The following EMILIN2 variants were observed in gnomAD, a reference collection of about 807,000 sequenced individuals.
EMILIN2 encodes the protein EMILIN-2.
A neutral mutation model predicts 87.1 loss-of-function variants in EMILIN2; 71 were observed. The ratio of observed to expected loss-of-function variants is 0.82; its 90% CI spans 0.67 to 0.99. The LOEUF is 0.99. Ranked by LOEUF, EMILIN2 falls within the 50% of genes least tolerant of loss-of-function variation. The pLI, the probability that EMILIN2 is intolerant of heterozygous loss-of-function variation, is 0.00. For missense variants in EMILIN2, 1,407 were observed against 1,371.8 expected, an observed-to-expected ratio of 1.03 and a Z score of -0.40; for synonymous variants, 581 against 563.4, an observed-to-expected ratio of 1.03 and a Z score of -0.44.
rs1409634156 is a variant in EMILIN2 at position 2,884,945 on chromosome 18, C to T, written c.258-19C>T. ...TAACGGCAGCCAGTAAAGAGAGATG[C>T]CATCCCTTCTGTCCACAGGTATCGA... is the stretch of plus-strand genomic sequence containing the variant. On this transcript the variant is annotated intron_variant, in intron 2 of 7. Transcript: ENST00000254528. 1 of 1,559,090 alleles carries T rather than the reference C, an allele frequency of 6.4e-7. No individual in the cohort carries two copies. The highest frequency in any genetic ancestry group is 8.7e-7 in the Non-Finnish European group (1 of 1,149,994).
intron 2 of EMILIN2, among the ~76,000 whole-genome samples, chr18:2,882,762 A>G (rs2076782866): frequency 6.6e-6 from 1 of 152,118 alleles, no homozygotes. Context: ...GGGTGCCTGT[A>G]ATCCCAGCTA....
chr18:2,885,049 G>A lies in EMILIN2; in HGVS notation c.343G>A (p.Gly115Arg). 2 of 1,613,802 alleles carry A rather than the reference G, an allele frequency of 1.2e-6. No homozygotes were observed. The highest frequency in any genetic ancestry group is 1.7e-6 in the Non-Finnish European group (2 of 1,179,870). Reference protein sequence around the residue: ...LEWRCCPGFRGGDCQEGPKDP... With the variant: ...LEWRCCPGFRRGDCQEGPKDP... ...ATGGAGGTGCTGTCCTGGCTTTAGA[G>A]GGGGAGATTGCCAAGAAGGTCCCAA... The change falls in exon 3 of 8, where the codon GGG becomes AGG. Residue 115 changes from glycine (G) to arginine (R), a missense_variant. Gly to Arg is a moderately radical substitution (Grantham distance 125). Transcript: ENST00000254528.
intron 4 of EMILIN2, among the ~76,000 whole-genome samples, chr18:2,902,218 G>A (rs984047471): frequency 1.3e-5 from 2 of 152,198 alleles, no homozygotes; most frequent in Non-Finnish European, 2.9e-5. Flanking sequence ...GAATTAGGGT[G>A]CATGGCCCAT....
chr18:2,866,792 C>T (rs1054335998), intron 2 of EMILIN2, among the ~76,000 whole-genome samples: 4 of 152,156 alleles, frequency 2.6e-5, no homozygotes, highest in Middle Eastern at 3.2e-3. Context: ...AGAGGGAAAG[C>T]TTTCAACTTT....
intron 6 of EMILIN2, 75 bp from the exon 7 acceptor site, chr18:2,909,616 C>T: frequency 6.4e-7 from 1 of 1,565,840 alleles, no homozygotes; most frequent in Non-Finnish European, 8.6e-7. Context: ...GGCACGTAGG[C>T]CTCAGTTTTC....
At chr18:2,899,550 G>C (rs1328211978) in intron 4 of EMILIN2, among the ~76,000 whole-genome samples, 2 of 151,938 alleles carry the variant, frequency 1.3e-5, no homozygotes, top group Non-Finnish European at 2.9e-5. Context: ...TGTCACCCAG[G>C]CTGGAGTGCA....
At chr18:2,856,637 C>CG (rs2076628904) in intron 2 of EMILIN2, among the ~76,000 whole-genome samples, 1 of 152,166 alleles carries the variant, frequency 6.6e-6, no homozygotes, top group Non-Finnish European at 1.5e-5. Flanking sequence ...AAATCAAAAG[C>CG]GGGGAAACCG....
At chr18:2,904,656 C>T (rs1174508835) in intron 4 of EMILIN2, among the ~76,000 whole-genome samples, 1 of 152,178 alleles carries the variant, frequency 6.6e-6, no homozygotes, top group Non-Finnish European at 1.5e-5. Context: ...GTATCTTCTA[C>T]TTCTCTGAGG....
chr18:2,880,876 T>A lies in EMILIN2; in HGVS notation c.258-4088T>A, dbSNP rs1241803235. Among the ~76,000 whole-genome samples, 1 of 152,178 alleles carries A rather than the reference T, an allele frequency of 6.6e-6. No homozygotes were observed. On this transcript the variant is annotated intron_variant, in intron 2 of 7. Transcript: ENST00000254528. The surrounding 1 kb of genome is among the most constrained non-coding windows in gnomAD (Gnocchi z 4.1). ...CACTTTGGCTGCACTTGACAACGAC[T>A]TGGGGACTTTTAGAAAGGTACGAGC...
intron 2 of EMILIN2, among the ~76,000 whole-genome samples, chr18:2,861,646 T>C (rs1327848874): frequency 6.6e-6 from 1 of 152,212 alleles, no homozygotes; most frequent in African/African-American, 2.4e-5. Context: ...CCTTGTAATA[T>C]AGTTTGAAGT....
intron 4 of EMILIN2, among the ~76,000 whole-genome samples, chr18:2,901,565 C>T (rs2076888304): frequency 6.6e-6 from 1 of 152,232 alleles, no homozygotes; most frequent in Non-Finnish European, 1.5e-5. Context: ...TGTGACCCTA[C>T]CCGACCCGTG....
rs1280104696 is a variant in EMILIN2 at position 2,913,492 on chromosome 18, G to A, written c.*88G>A. 2.8e-5 allele frequency: 31 copies of A among 1,102,688 alleles called. No individual in the cohort carries two copies. The highest frequency in any genetic ancestry group is 9.5e-5 in the African/African-American group (6 of 63,278). 68.3% of individuals were successfully genotyped at this position (1,102,688 alleles called of 1,614,324 possible). On this transcript the variant is annotated 3_prime_UTR_variant, in exon 8 of 8. Transcript: ENST00000254528. ...TTCGGTTTGTATGTAATGGAAGCAC[G>A]GGGCTAGAGTTTCCACATAGGCCCC...
At chr18:2,861,788 A>G (rs2076662453) in intron 2 of EMILIN2, among the ~76,000 whole-genome samples, 1 of 152,220 alleles carries the variant, frequency 6.6e-6, no homozygotes, top group Admixed American at 6.5e-5. Flanking sequence ...TGGTAGCTTG[A>G]TGGGGATGGC....
In EMILIN2 at chr18:2,891,074, C is replaced by CA. The variant is rs2076833762; in HGVS notation, c.947_948insA (p.Tyr317LeufsTer5). 6.2e-7 allele frequency: 1 copy of CA among 1,614,054 alleles called. No individual in the cohort carries two copies. The highest frequency in any genetic ancestry group is 1.3e-5 in the African/African-American group (1 of 74,932). ...ATGACAACCAACGAACTCTACCAAGCCTATGTGGACAGTAAGATCGACGCC... is the reference window on the plus strand; with the variant it reads ...ATGACAACCAACGAACTCTACCAAGCACTATGTGGACAGTAAGATCGACGCC... On this transcript the variant is annotated frameshift_variant, in exon 4 of 8. Transcript: ENST00000254528. LOFTEE classifies it high-confidence loss of function. This position sits in a 1 kb window ranked among gnomAD's most constrained non-coding sequence, Gnocchi z 4.6.
At chr18:2,903,269 A>G (rs2076896325) in intron 4 of EMILIN2, among the ~76,000 whole-genome samples, 1 of 152,166 alleles carries the variant, frequency 6.6e-6, no homozygotes, top group African/African-American at 2.4e-5. Context: ...AGGAGGAAAG[A>G]AAAGAAAGAT....
At chr18:2,886,207 A>C (rs1452661861) in intron 3 of EMILIN2, among the ~76,000 whole-genome samples, 1 of 152,234 alleles carries the variant, frequency 6.6e-6, no homozygotes, top group Non-Finnish European at 1.5e-5. Context: ...TAAGTGAGAA[A>C]AAAGGCAGAC....
At chr18:2,908,469 G>A (rs1256622168) in intron 5 of EMILIN2, among the ~76,000 whole-genome samples, 2 of 152,010 alleles carry the variant, frequency 1.3e-5, no homozygotes, top group African/African-American at 4.8e-5. Context: ...ACATCAAGCC[G>A]TGCACTCTTC....
chr18:2,889,526 T>C (rs1598498370), intron 3 of EMILIN2, among the ~76,000 whole-genome samples: 1 of 152,098 alleles, frequency 6.6e-6, no homozygotes, highest in South Asian at 2.1e-4. Context: ...CCTTTTTATT[T>C]ACCTCTATGT....
intron 2 of EMILIN2, among the ~76,000 whole-genome samples, chr18:2,858,555 A>ATATATGTGTG: frequency 1.9e-5 from 1 of 52,302 alleles, no homozygotes; most frequent in Non-Finnish European, 3.1e-5. Flanking sequence ...ATATATATAT[A>ATATATGTGTG]TATATATATA....
Sources: allele counts gnomAD v4.1 joint callset (sites outside exome capture counted in the v4.1 genomes callset), GRCh38; gene constraint gnomAD v4.1.1; non-coding constraint Gnocchi (gnomAD v3.1); transcripts MANE v1.5; gene names NCBI Gene and HGNC (gene_info 2026-07-23, HGNC 2026-07-21).